CCDC7: variants seen among roughly 807,000 people sequenced by gnomAD.
CCDC7 encodes coiled-coil domain-containing protein 7.
A neutral mutation model predicts 196.9 loss-of-function variants in CCDC7; 183 were observed. That is an observed-to-expected ratio of 0.93 (90% CI 0.82 to 1.05). The LOEUF (loss-of-function observed/expected upper bound fraction) is 1.05, where lower values mean the gene tolerates loss of function less well. CCDC7 is among the 50% of genes least tolerant of loss of function. CCDC7 has a pLI of 0.00. For synonymous variants in CCDC7, 525 were observed against 484.6 expected, an observed-to-expected ratio of 1.08 and a Z score of -1.10; for missense variants, 1,540 against 1,482.2, an observed-to-expected ratio of 1.04 and a Z score of -0.64.
At chr10:32,483,909 T>C (rs1173983201) in intron 8 of CCDC7, among the ~76,000 whole-genome samples, 1 of 152,212 alleles carries the variant, frequency 6.6e-6, no homozygotes, top group Non-Finnish European at 1.5e-5. Context: ...CCTTGTAGTA[T>C]AGTTGGAAGT....
intron 41 of CCDC7, among the ~76,000 whole-genome samples, chr10:32,864,506 A>T (rs1324155283): frequency 1.3e-5 from 2 of 151,456 alleles, no homozygotes; most frequent in African/African-American, 4.8e-5. Context: ...ATATACACAC[A>T]CATATATATT....
intron 5 of CCDC7, among the ~76,000 whole-genome samples, chr10:32,466,811 A>C (rs942853668): frequency 6.6e-6 from 1 of 152,162 alleles, no homozygotes; most frequent in Admixed American, 6.5e-5. Context: ...GCTGGGTCAA[A>C]TGGTAGTTCT....
chr10:32,669,451 G>A lies in CCDC7; in HGVS notation c.2122+5290G>A, dbSNP rs990399163. Among the ~76,000 whole-genome samples, 10 of 152,124 alleles carry A rather than the reference G, an allele frequency of 6.6e-5. No homozygotes were observed. In the East Asian group the frequency reaches 7.7e-4, roughly 12 times the overall value. On this transcript the variant is annotated intron_variant, in intron 21 of 41. Transcript: ENST00000639629. ...TTCTATTTTTTTGAAACATTTGAGGGGCATTAGCATTAATTCTTCTTAAAA... is the reference window on the plus strand; with the variant it reads ...TTCTATTTTTTTGAAACATTTGAGGAGCATTAGCATTAATTCTTCTTAAAA...
upstream of CCDC7, chr10:32,446,088 G>A (rs889618953): frequency 7.2e-5 from 11 of 152,176 alleles, no homozygotes; most frequent in African/African-American, 2.4e-4. Flanking sequence ...CAGCGTCAGC[G>A]ACGCCGGCGG....
chr10:32,506,673 G>A (rs958259946), intron 9 of CCDC7, among the ~76,000 whole-genome samples: 13 of 152,084 alleles, frequency 8.5e-5, no homozygotes, highest in Non-Finnish European at 1.9e-4. Context: ...TCAACACGGC[G>A]AAACCCCATC....
At chr10:32,719,783 G>T (rs1162047334) in intron 25 of CCDC7, among the ~76,000 whole-genome samples, 1 of 152,102 alleles carries the variant, frequency 6.6e-6, no homozygotes, top group African/African-American at 2.4e-5. Context: ...CATCATCACT[G>T]GTCATTAGAG....
At chr10:32,694,926 T>G in exon 24 of CCDC7, 6 of 1,606,224 alleles carry the variant, frequency 3.7e-6, no homozygotes, top group Non-Finnish European at 5.1e-6. Context: ...ACATCAAGAT[T>G]CAGTGTCAAA....
chr10:32,815,572 G>A (rs1271351791), intron 31 of CCDC7, among the ~76,000 whole-genome samples: 1 of 151,968 alleles, frequency 6.6e-6, no homozygotes, highest in Non-Finnish European at 1.5e-5. Context: ...GAGAGAATAA[G>A]AAAAAATATT....
At chr10:32,856,539 G>T (rs1266576300) in intron 41 of CCDC7, among the ~76,000 whole-genome samples, 1 of 152,108 alleles carries the variant, frequency 6.6e-6, no homozygotes, top group African/African-American at 2.4e-5. Context: ...TAGGAGTGAA[G>T]CCAACATTGC....
chr10:32,729,449 C>G lies in CCDC7; in HGVS notation c.2897C>G (p.Ser966Ter), dbSNP rs746965749. Residue 966 changes from serine to a stop codon, truncating the protein, a stop_gained, in exon 28 of 42, where the codon TCA (serine) becomes TGA (stop). Transcript: ENST00000639629. LOFTEE classifies it high-confidence loss of function. ...AAGAAACTTCAAGCTAAAGTAACTT[C>G]AAGAAAAAGTAAGTAATTATTTATA... 1 of 1,226,920 alleles carries G rather than the reference C, an allele frequency of 8.2e-7. No individual in the cohort carries two copies. The highest frequency in any genetic ancestry group is 1.5e-5 in the South Asian group (1 of 67,486). The allele number at this position is 1,226,920 out of a possible 1,614,324, so 76.0% of individuals were successfully genotyped here.
intron 25 of CCDC7, among the ~76,000 whole-genome samples, chr10:32,714,662 G>C: frequency 6.6e-6 from 1 of 152,186 alleles, no homozygotes; most frequent in Non-Finnish European, 1.5e-5. Flanking sequence ...AATTCTCGCA[G>C]CCAGCACAGC....
intron 20 of CCDC7, among the ~76,000 whole-genome samples, chr10:32,660,027 A>C (rs2070926334): frequency 6.6e-6 from 1 of 152,216 alleles, no homozygotes; most frequent in African/African-American, 2.4e-5. Flanking sequence ...GTGCACATGT[A>C]CGTGCCTGTT....
At chr10:32,796,197 T>C (rs1231247440) in intron 29 of CCDC7, among the ~76,000 whole-genome samples, 4 of 152,136 alleles carry the variant, frequency 2.6e-5, no homozygotes, top group African/African-American at 9.7e-5. Context: ...CTAAAAATTG[T>C]CTCATTCTCA....
At chr10:32,666,120 CTTTTT>C (rs35052301) in intron 21 of CCDC7, among the ~76,000 whole-genome samples, 89 of 130,808 alleles carry the variant, frequency 6.8e-4, no homozygotes, top group African/African-American at 2.2e-3. Context: ...TATTCTTTTT[CTTTTT>C]TTTTTTTTTT....
chr10:32,544,575 A>G (rs1589718234), intron 13 of CCDC7: 1 of 231,710 alleles, frequency 4.3e-6, no homozygotes, highest in East Asian at 8.0e-5. Flanking sequence ...ACTACAGGCA[A>G]TACCATGGAG....
intron 18 of CCDC7, among the ~76,000 whole-genome samples, chr10:32,608,248 A>G (rs2061732979): frequency 6.6e-6 from 1 of 152,070 alleles, no homozygotes; most frequent in Non-Finnish European, 1.5e-5. Flanking sequence ...AGCTTTAAAA[A>G]ATCCAACTCT....
In CCDC7 at chr10:32,482,767, C is replaced by T. The variant is rs894328099; in HGVS notation, c.796+8744C>T. Among the ~76,000 whole-genome samples the T allele has an allele frequency of 1.2e-4, 18 of 151,970 alleles. No homozygotes were observed. In the East Asian group the frequency reaches 1.9e-3, roughly 16 times the overall value. The stretch of plus-strand genomic sequence containing the variant: ...TGCGGTGTTTGGTTTTTTGTCCTTG[C>T]GATAGTTTGCTGAGAATGATGGTTT... On this transcript the variant is annotated intron_variant, in intron 8 of 41. Coordinates refer to ENST00000639629, the Ensembl canonical transcript of CCDC7.
Position 32,847,824 on chromosome 10 carries a change from T to C in CCDC7, c.3689-9T>C. On this transcript the variant is annotated splice_polypyrimidine_tract_variant and intron_variant, in intron 37 of 41. Coordinates refer to ENST00000639629, the Ensembl canonical transcript of CCDC7. ...AAAAAGTGTTTTGAAATGTGTTTTATGTCTATAGAGACTGATGTAGAACCC... is the reference window on the plus strand; with the variant it reads ...AAAAAGTGTTTTGAAATGTGTTTTACGTCTATAGAGACTGATGTAGAACCC... 6.4e-7 allele frequency: 1 copy of C among 1,569,808 alleles called. No homozygotes were observed. Among genetic ancestry groups the C allele is most frequent in the East Asian group, 2.3e-5 (1 of 44,012 alleles).
At chr10:32,725,515 A>G in intron 25 of CCDC7, 1 of 413,250 alleles carries the variant, frequency 2.4e-6, no homozygotes, top group Non-Finnish European at 4.8e-6. Flanking sequence ...TTTTTAGAAT[A>G]TTGTGTTCAT....
Sources: allele counts gnomAD v4.1 joint callset (sites outside exome capture counted in the v4.1 genomes callset), GRCh38; gene constraint gnomAD v4.1.1; transcripts MANE v1.5; gene names NCBI Gene and HGNC (gene_info 2026-07-23, HGNC 2026-07-21).